The following RANBP9 variants were observed in gnomAD, a reference collection of about 807,000 sequenced individuals.
The protein encoded by RANBP9 is RAN binding protein 9, also known as ran-binding protein 9.
RANBP9 carries 15 observed loss-of-function variants against 84.3 expected under a neutral mutation model. The observed-to-expected ratio is 0.18, with a 90% confidence interval of 0.12 to 0.27. The LOEUF is 0.27. RANBP9 is among the 10% of genes least tolerant of loss of function. The pLI is 1.00. For synonymous variants in RANBP9, 392 were observed against 349.6 expected, an observed-to-expected ratio of 1.12 and a Z score of -1.35; for missense variants, 809 against 912.8, an observed-to-expected ratio of 0.89 and a Z score of 1.46.
chr6:13,708,619 ATACT>A (rs1338069814), intron 1 of RANBP9, among the ~76,000 whole-genome samples: 2 of 152,210 alleles, frequency 1.3e-5, no homozygotes, highest in East Asian at 3.8e-4. Context: ...GTGTCTCATG[ATACT>A]TAGGTAAAAC....
intron 2 of RANBP9, among the ~76,000 whole-genome samples, chr6:13,680,387 A>G (rs1378001394): frequency 1.3e-5 from 2 of 152,128 alleles, no homozygotes; most frequent in Non-Finnish European, 2.9e-5. Context: ...CAGGCAAATG[A>G]CCAAATTTCT....
chr6:13,667,789 A>C (rs1765685867), intron 2 of RANBP9, among the ~76,000 whole-genome samples: 1 of 152,196 alleles, frequency 6.6e-6, no homozygotes, highest in South Asian at 2.1e-4. Flanking sequence ...GGTTTGTGTA[A>C]GTACATTCTA....
At chr6:13,675,870 A>C (rs927220887) in intron 2 of RANBP9, among the ~76,000 whole-genome samples, 1 of 152,032 alleles carries the variant, frequency 6.6e-6, no homozygotes, top group Non-Finnish European at 1.5e-5. Flanking sequence ...ATGCCCACAA[A>C]TTTGATTATT....
intron 2 of RANBP9, among the ~76,000 whole-genome samples, chr6:13,690,625 G>C (rs917725815): frequency 2.6e-5 from 4 of 152,240 alleles, no homozygotes; most frequent in Middle Eastern, 3.4e-3. Flanking sequence ...TGTTTGAAGA[G>C]CTAAAAATAC....
At chr6:13,699,894 C>G (rs965364465) in intron 1 of RANBP9, among the ~76,000 whole-genome samples, 1 of 152,130 alleles carries the variant, frequency 6.6e-6, no homozygotes, top group African/African-American at 2.4e-5. Flanking sequence ...GTTTTGAATT[C>G]TGAAAGCATT....
intron 12 of RANBP9, among the ~76,000 whole-genome samples, chr6:13,628,837 T>C (rs971343605): frequency 1.3e-5 from 2 of 152,224 alleles, no homozygotes; most frequent in African/African-American, 4.8e-5. Flanking sequence ...AGCATTAATG[T>C]AGTAGTGCCA....
intron 12 of RANBP9, among the ~76,000 whole-genome samples, chr6:13,629,822 G>T (rs1037222708): frequency 2.0e-5 from 3 of 151,938 alleles, no homozygotes; most frequent in African/African-American, 7.3e-5. Context: ...AAAGGAAAAA[G>T]GTCAAGAGAA....
At chr6:13,643,955 A>T (rs951435463) in intron 6 of RANBP9, among the ~76,000 whole-genome samples, 15 of 152,222 alleles carry the variant, frequency 9.9e-5, no homozygotes, top group African/African-American at 3.6e-4. Flanking sequence ...CAAAGCAATT[A>T]TAAGGACATT....
intron 11 of RANBP9, 50 bp downstream of exon 11, chr6:13,634,381 C>T: frequency 6.3e-7 from 1 of 1,591,346 alleles, no homozygotes; most frequent in East Asian, 2.2e-5. Flanking sequence ...AAAAACATAA[C>T]CTTGTAGCCA....
At chr6:13,622,730 T>TGG (rs1764486106) in intron 13 of RANBP9, among the ~76,000 whole-genome samples, 1 of 152,242 alleles carries the variant, frequency 6.6e-6, no homozygotes, top group African/African-American at 2.4e-5. Context: ...ATCAGACTTT[T>TGG]AAAGTATCAG....
At chr6:13,637,331 A>G (rs546251967) in intron 10 of RANBP9, among the ~76,000 whole-genome samples, 7 of 152,264 alleles carry the variant, frequency 4.6e-5, no homozygotes, top group African/African-American at 1.4e-4. Flanking sequence ...TTCAAAAAAG[A>G]TTATTTGTAA....
intron 2 of RANBP9, 26 bp from the exon 3 acceptor site, chr6:13,658,858 A>G (rs1352746949): frequency 5.2e-6 from 8 of 1,530,314 alleles, no homozygotes; most frequent in Non-Finnish European, 7.2e-6. Context: ...GGGGGAGAGA[A>G]GAAAAGGACA....
At chr6:13,678,844 C>CTT (rs1765959861) in intron 2 of RANBP9, among the ~76,000 whole-genome samples, 1 of 152,140 alleles carries the variant, frequency 6.6e-6, no homozygotes, top group African/African-American at 2.4e-5. Flanking sequence ...GCTACCCAGA[C>CTT]TTTACCACAC....
At chr6:13,646,961 A>C (rs773898838) in intron 5 of RANBP9, among the ~76,000 whole-genome samples, 3 of 152,246 alleles carry the variant, frequency 2.0e-5, no homozygotes, top group African/African-American at 4.8e-5. Flanking sequence ...TAAAAATAAA[A>C]TCAATTAAAA....
intron 2 of RANBP9, among the ~76,000 whole-genome samples, chr6:13,684,153 A>G (rs1348509097): frequency 1.3e-5 from 2 of 152,196 alleles, no homozygotes; most frequent in Admixed American, 6.5e-5. Flanking sequence ...ATATTTATGC[A>G]GCACCTATTT....
intron 2 of RANBP9, among the ~76,000 whole-genome samples, chr6:13,659,246 A>C (rs987501941): frequency 1.9e-4 from 21 of 112,894 alleles, no homozygotes; most frequent in African/African-American, 5.5e-4. Context: ...TAGACCCCAC[A>C]CACACACACA....
At chr6:13,655,482 A>T (rs1765377862) in intron 4 of RANBP9, among the ~76,000 whole-genome samples, 1 of 152,232 alleles carries the variant, frequency 6.6e-6, no homozygotes, top group Non-Finnish European at 1.5e-5. Flanking sequence ...TTAAATAAAT[A>T]AAATAAACAA....
chr6:13,696,905 A>G lies in RANBP9; in HGVS notation c.572-9T>C. On this transcript the variant is annotated splice_polypyrimidine_tract_variant and intron_variant, in intron 1 of 13. Transcript: ENST00000011619. Reference sequence around the variant, plus strand: ...TGGGGTTTTGCCATGACCTGCATAGAAACAGGAAGGAAAAAAGAAGTCACA... The same window carrying G: ...TGGGGTTTTGCCATGACCTGCATAGGAACAGGAAGGAAAAAAGAAGTCACA... 6.3e-7 allele frequency: 1 copy of G among 1,598,268 alleles called. No individual in the cohort carries two copies. Among genetic ancestry groups the G allele is most frequent in the East Asian group, 2.2e-5 (1 of 44,720 alleles).
chr6:13,647,541 G>A (rs1225853540), intron 5 of RANBP9, among the ~76,000 whole-genome samples: 2 of 151,982 alleles, frequency 1.3e-5, no homozygotes, highest in African/African-American at 4.8e-5. Flanking sequence ...TATTGTATAT[G>A]GTATGACCCT....
Sources: gnomAD v4.1 joint callset for allele counts (sites outside exome capture counted in the v4.1 genomes callset) on GRCh38, gnomAD v4.1.1 for gene constraint, MANE v1.5 for transcripts, NCBI Gene and HGNC (gene_info 2026-07-23, HGNC 2026-07-21) for gene names.